The following CDH12 variants were observed in gnomAD, a reference collection of about 807,000 sequenced individuals.
CDH12 encodes cadherin-12.
A neutral mutation model predicts 74.1 loss-of-function variants in CDH12; 41 were observed. The observed-to-expected ratio is 0.55, with a 90% CI of 0.43 to 0.72. CDH12 has a LOEUF of 0.72. Among genes scored for constraint, CDH12 ranks in the 30% least tolerant of loss-of-function variants. The pLI, the probability that CDH12 is intolerant of heterozygous loss-of-function variation, is 0.00. For synonymous variants in CDH12, 399 were observed against 355.0 expected, an observed-to-expected ratio of 1.12 and a Z score of -1.39; for missense variants, 945 against 977.2, an observed-to-expected ratio of 0.97 and a Z score of 0.44.
At chr5:22,767,261 T>C (rs916533064) in intron 1 of CDH12, among the ~76,000 whole-genome samples, 6 of 152,008 alleles carry the variant, frequency 3.9e-5, no homozygotes. Context: ...TTTAGATCTA[T>C]AAATGTTTAT....
intron 5 of CDH12, among the ~76,000 whole-genome samples, chr5:22,058,258 C>T (rs1233178516): frequency 4.0e-5 from 6 of 151,816 alleles, no homozygotes; most frequent in African/African-American, 1.5e-4. Context: ...GGCTTCACCG[C>T]GTTGCCCAGG....
At chr5:22,625,435 G>A (rs1738235534) in intron 1 of CDH12, among the ~76,000 whole-genome samples, 1 of 152,166 alleles carries the variant, frequency 6.6e-6, no homozygotes, top group Admixed American at 6.5e-5. Flanking sequence ...ACGATCCCAT[G>A]GACACTTAAG....
chr5:22,694,561 G>GT (rs1209256517), intron 1 of CDH12, among the ~76,000 whole-genome samples: 1 of 151,620 alleles, frequency 6.6e-6, no homozygotes, highest in Non-Finnish European at 1.5e-5. Context: ...TCTAGAACTG[G>GT]TTTCTTATAA....
At chr5:22,850,764 G>C (rs916356972) in intron 1 of CDH12, among the ~76,000 whole-genome samples, 3 of 152,094 alleles carry the variant, frequency 2.0e-5, no homozygotes, top group Non-Finnish European at 4.4e-5. Flanking sequence ...GAGTCTGCTA[G>C]TAGGTCATTT....
Position 22,244,776 on chromosome 5 carries a change from GAAAGAA to G in CDH12, c.-332-32139_-332-32134del, listed in dbSNP as rs1752882811. ...AGAAAGAAAGAAAGAAAGAAAGAAA[GAAAGAA>G]AGAAAGAAAGAAAGAAAGAAAAATT... On this transcript the variant is annotated intron_variant, in intron 3 of 14. Transcript: ENST00000382254. Among the ~76,000 whole-genome samples, 28 of 123,774 alleles carry G rather than the reference GAAAGAA, an allele frequency of 2.3e-4. 2 individuals are homozygous for G. 81.2% of individuals were successfully genotyped at this position (123,774 alleles called of 152,430 possible). A position where few individuals can be genotyped will look rare whatever the true frequency, so the allele number is the denominator to read the frequency against.
At chr5:22,788,526 T>G (rs1459941541) in intron 1 of CDH12, among the ~76,000 whole-genome samples, 1 of 148,900 alleles carries the variant, frequency 6.7e-6, no homozygotes, top group Non-Finnish European at 1.5e-5. Flanking sequence ...AATATAAAAA[T>G]TTATCATAAT....
At chr5:22,167,344 C>A (rs1193108717) in intron 4 of CDH12, among the ~76,000 whole-genome samples, 1 of 152,062 alleles carries the variant, frequency 6.6e-6, no homozygotes, top group Admixed American at 6.6e-5. Context: ...AGAAAGATAC[C>A]CCAGGGAATT....
At chr5:22,537,700 C>T (rs2126714313) in intron 1 of CDH12, among the ~76,000 whole-genome samples, 1 of 152,292 alleles carries the variant, frequency 6.6e-6, no homozygotes, top group African/African-American at 2.4e-5. Flanking sequence ...GATAAGCTCT[C>T]TCACTCTAAA....
At chr5:21,755,557 G>GA in intron 14 of CDH12, 34 bp downstream of exon 14, 7 of 1,592,106 alleles carry the variant, frequency 4.4e-6, no homozygotes, top group South Asian at 1.1e-5. Context: ...GAGAGAGCGA[G>GA]AAAAAATTAA....
At chr5:22,063,993 AC>A (rs1741379205) in intron 5 of CDH12, among the ~76,000 whole-genome samples, 1 of 78,438 alleles carries the variant, frequency 1.3e-5, no homozygotes, top group Non-Finnish European at 2.5e-5. Flanking sequence ...GGAGATACAC[AC>A]ACACACACAC....
intron 11 of CDH12, 77 bp from the exon 12 acceptor site, chr5:21,765,176 A>AT: frequency 8.2e-7 from 1 of 1,222,922 alleles, no homozygotes; most frequent in Non-Finnish European, 1.1e-6. Flanking sequence ...TAGTATTTAC[A>AT]TTTTTAAAAA....
At chr5:22,262,041 T>C (rs1204143088) in intron 3 of CDH12, among the ~76,000 whole-genome samples, 1 of 152,118 alleles carries the variant, frequency 6.6e-6, no homozygotes, top group Admixed American at 6.6e-5. Flanking sequence ...TTATGTAATA[T>C]TGAAATTACC....
chr5:22,542,434 G>T (rs1446096215), intron 1 of CDH12, among the ~76,000 whole-genome samples: 2 of 152,124 alleles, frequency 1.3e-5, no homozygotes. Flanking sequence ...TTATTTTAAA[G>T]AATATTAGTG....
At chr5:22,000,955 T>G (rs1408522833) in intron 5 of CDH12, among the ~76,000 whole-genome samples, 1 of 152,198 alleles carries the variant, frequency 6.6e-6, no homozygotes, top group East Asian at 1.9e-4. Context: ...GTAGAAAATT[T>G]CATTGATGCA....
chr5:22,467,955 C>T (rs1342965268), intron 2 of CDH12, among the ~76,000 whole-genome samples: 1 of 152,178 alleles, frequency 6.6e-6, no homozygotes, highest in Admixed American at 6.5e-5. Context: ...TAGAAAAGGT[C>T]CCCTTCCTTA....
At chr5:22,558,572 G>A (rs954704066) in intron 1 of CDH12, among the ~76,000 whole-genome samples, 3 of 152,002 alleles carry the variant, frequency 2.0e-5, no homozygotes, top group East Asian at 3.9e-4. Context: ...AAATAGGAAA[G>A]AGGCAACATA....
At chr5:22,153,246 C>T (rs1279925804) in intron 4 of CDH12, among the ~76,000 whole-genome samples, 1 of 147,628 alleles carries the variant, frequency 6.8e-6, no homozygotes, top group African/African-American at 2.5e-5. Flanking sequence ...ATCTATATTC[C>T]TAAATTAAAC....
chr5:22,756,046 A>G (rs549804353), intron 1 of CDH12, among the ~76,000 whole-genome samples: 27 of 151,022 alleles, frequency 1.8e-4, no homozygotes, highest in African/African-American at 6.5e-4. Flanking sequence ...CCTTCTTTAG[A>G]AATGACAGAT....
At chr5:22,254,953 C>T (rs981926171) in intron 3 of CDH12, among the ~76,000 whole-genome samples, 1 of 151,668 alleles carries the variant, frequency 6.6e-6, no homozygotes, top group African/African-American at 2.4e-5. Flanking sequence ...AACTGTAGTT[C>T]CCCTATTATG....
Sources: allele counts gnomAD v4.1 joint callset (sites outside exome capture counted in the v4.1 genomes callset), GRCh38; gene constraint gnomAD v4.1.1; transcripts MANE v1.5; gene names NCBI Gene and HGNC (gene_info 2026-07-23, HGNC 2026-07-21).